AGPAT4: variants seen among roughly 807,000 people sequenced by gnomAD.
AGPAT4 encodes the protein 1-acyl-sn-glycerol-3-phosphate acyltransferase delta.
In AGPAT4, 15 loss-of-function variants were observed where a neutral mutation model predicts 48.0. The ratio of observed to expected loss-of-function variants is 0.31; its 90% confidence interval spans 0.21 to 0.48. The LOEUF is 0.48. Among genes scored for constraint, AGPAT4 ranks in the 20% least tolerant of loss-of-function variants. The pLI, the probability that AGPAT4 is intolerant of heterozygous loss-of-function variation, is 0.99. For synonymous variants in AGPAT4, 178 were observed against 198.7 expected (o/e 0.90, Z 0.88); for missense variants, 314 against 482.5 (o/e 0.65, Z 3.27).
rs989077847 is a variant in AGPAT4 at position 161,132,124 on chromosome 6, T to G, written c.*4416A>C. On this transcript the variant is annotated 3_prime_UTR_variant, in exon 9 of 9. Coordinates refer to ENST00000320285, the MANE Select transcript of AGPAT4 (RefSeq NM_020133.3). ...TTTTGGAGTGCAGAGGGATTGGCAT[T>G]TGTAAAGACTGCTTGCTTACCCTTT... The G allele has an allele frequency of 6.6e-6, 1 of 152,176 alleles. No homozygotes were observed. 9.4% of individuals were successfully genotyped at this position (152,176 alleles called of 1,614,324 possible).
chr6:161,273,785 G>T, intron 1 of AGPAT4, among the ~76,000 whole-genome samples, 153 bp downstream of exon 1: 2 of 72,378 alleles, frequency 2.8e-5, no homozygotes, highest in East Asian at 4.2e-4. Flanking sequence ...TCCCCCGCCC[G>T]CCTTGCACTC....
intron 2 of AGPAT4, among the ~76,000 whole-genome samples, chr6:161,209,395 A>G (rs1242091723): frequency 6.6e-6 from 1 of 152,256 alleles, no homozygotes; most frequent in Non-Finnish European, 1.5e-5. Flanking sequence ...CCAAGCTGCT[A>G]GAAAATTTTT....
chr6:161,165,593 A>C lies in AGPAT4; in HGVS notation c.348+655T>G. ...ACGGAATACCTGAGTACCGCAGATG[A>C]CTCTGATTCAGCTATGTGACACAGG... On this transcript the variant is annotated intron_variant, in intron 3 of 8. Coordinates refer to ENST00000320285, the MANE Select transcript of AGPAT4 (RefSeq NM_020133.3). The surrounding 1 kb of genome is among the most constrained non-coding windows in gnomAD (Gnocchi z 5.5). 1 of 1,299,604 alleles carries C rather than the reference A, an allele frequency of 7.7e-7. No homozygotes were observed. The highest frequency in any genetic ancestry group is 1.0e-6 in the Non-Finnish European group (1 of 987,780). The allele number at this position is 1,299,604 out of a possible 1,614,324, so 80.5% of individuals were successfully genotyped here. A position where few individuals can be genotyped will look rare whatever the true frequency, so the allele number is the denominator to read the frequency against.
At chr6:161,247,977 G>A (rs1163536354) in intron 1 of AGPAT4, among the ~76,000 whole-genome samples, 40 of 85,456 alleles carry the variant, frequency 4.7e-4, no homozygotes, top group Non-Finnish European at 8.1e-4. Context: ...GTAAGACTCT[G>A]TCTCAAAAAA....
chr6:161,248,327 C>A (rs982126924), intron 1 of AGPAT4, among the ~76,000 whole-genome samples: 7 of 152,086 alleles, frequency 4.6e-5, no homozygotes, highest in Non-Finnish European at 7.3e-5. Flanking sequence ...GTAATCCCAG[C>A]ACTTTGGGAG....
chr6:161,244,854 T>C lies in AGPAT4; in HGVS notation c.-89-12552A>G, dbSNP rs1479444557. ...GAGCAAAGCTCCTAATCAGTGAAGG[T>C]CACCAACCACAGACAGATGGGCCAA... On this transcript the variant is annotated intron_variant, in intron 1 of 8. Coordinates refer to ENST00000320285, the MANE Select transcript of AGPAT4 (RefSeq NM_020133.3). This position sits in a 1 kb window ranked among gnomAD's most constrained non-coding sequence, Gnocchi z 4.7. Among the ~76,000 whole-genome samples the C allele has an allele frequency of 6.6e-6, 1 of 152,038 alleles. No individual in the cohort carries two copies. The highest frequency in any genetic ancestry group is 2.4e-5 in the African/African-American group (1 of 41,380).
chr6:161,231,819 T>C lies in AGPAT4; in HGVS notation c.178+217A>G, dbSNP rs1313829664. Among the ~76,000 whole-genome samples the C allele has an allele frequency of 2.0e-5, 3 of 152,222 alleles. No individual in the cohort carries two copies. The highest frequency in any genetic ancestry group is 1.9e-4 in the East Asian group (1 of 5,204). ...GCGTATTTACTTTTCATAGTATACC[T>C]GTCTGTGGCTGTTGAATTTTGAGCT... is the stretch of plus-strand genomic sequence containing the variant. On this transcript the variant is annotated intron_variant, in intron 2 of 8. Coordinates refer to ENST00000320285, the MANE Select transcript of AGPAT4 (RefSeq NM_020133.3). This position sits in a 1 kb window ranked among gnomAD's most constrained non-coding sequence, Gnocchi z 5.3.
In AGPAT4 at chr6:161,198,889, T is replaced by C. The variant is rs1467512403; in HGVS notation, c.179-32472A>G. 6.6e-6 allele frequency among the ~76,000 whole-genome samples: 1 copy of C among 152,190 alleles called. No individual in the cohort carries two copies. ...CTTGTTTATATGATCCACGATTCTA[T>C]ATTTTAAACTCCAGAAACTCCTCAA... On this transcript the variant is annotated intron_variant, in intron 2 of 8. Coordinates refer to ENST00000320285, the MANE Select transcript of AGPAT4 (RefSeq NM_020133.3). The surrounding 1 kb of genome is among the most constrained non-coding windows in gnomAD (Gnocchi z 4.3).
Position 161,236,475 on chromosome 6 carries a change from G to C in AGPAT4, c.-89-4173C>G, listed in dbSNP as rs1782279187. On this transcript the variant is annotated intron_variant, in intron 1 of 8. Coordinates refer to ENST00000320285, the MANE Select transcript of AGPAT4 (RefSeq NM_020133.3). The surrounding 1 kb of genome is among the most constrained non-coding windows in gnomAD (Gnocchi z 5.0). ...ACCCCATGACCTTGAGACACCCTAG[G>C]GATGGGAGTGCAGGAGGCCAAATTC... 6.6e-6 allele frequency among the ~76,000 whole-genome samples: 1 copy of C among 152,088 alleles called. No individual in the cohort carries two copies. The highest frequency in any genetic ancestry group is 2.1e-4 in the South Asian group (1 of 4,812).
chr6:161,143,071 C>T lies in AGPAT4; in HGVS notation c.844-3451G>A, dbSNP rs1252675461. Among the ~76,000 whole-genome samples, 1 of 152,152 alleles carries T rather than the reference C, an allele frequency of 6.6e-6. No homozygotes were observed. The highest frequency in any genetic ancestry group is 1.5e-5 in the Non-Finnish European group (1 of 68,036). Reference sequence around the variant, plus strand: ...ACAGGACGGCTCTGAATGTAGCTGTCCTTCACTTATTTCTCTTTAGAGACA... The same window carrying T: ...ACAGGACGGCTCTGAATGTAGCTGTTCTTCACTTATTTCTCTTTAGAGACA... On this transcript the variant is annotated intron_variant, in intron 7 of 8. Coordinates refer to ENST00000320285, the MANE Select transcript of AGPAT4 (RefSeq NM_020133.3). The surrounding 1 kb of genome is among the most constrained non-coding windows in gnomAD (Gnocchi z 4.7).
chr6:161,218,397 C>G lies in AGPAT4; in HGVS notation c.178+13639G>C, dbSNP rs1232919609. Among the ~76,000 whole-genome samples the G allele has an allele frequency of 6.6e-6, 1 of 152,196 alleles. No homozygotes were observed. Among genetic ancestry groups the G allele is most frequent in the Non-Finnish European group, 1.5e-5 (1 of 68,034 alleles). Reference sequence around the variant, plus strand: ...CCAGAGCTCCCTTTTAAAACATGCACGACTCCCTCTGCTGGCATGATGGTC... The same window carrying G: ...CCAGAGCTCCCTTTTAAAACATGCAGGACTCCCTCTGCTGGCATGATGGTC... On this transcript the variant is annotated intron_variant, in intron 2 of 8. Coordinates refer to ENST00000320285, the MANE Select transcript of AGPAT4 (RefSeq NM_020133.3). This position sits in a 1 kb window ranked among gnomAD's most constrained non-coding sequence, Gnocchi z 4.7.
intron 2 of AGPAT4, among the ~76,000 whole-genome samples, chr6:161,185,169 G>A (rs1300229630): frequency 6.8e-6 from 1 of 148,122 alleles, no homozygotes; most frequent in Non-Finnish European, 1.5e-5. Flanking sequence ...ACAAGAGGGA[G>A]ATAGTTTGGA....
rs75917293 is a variant in AGPAT4, at chr6:161,218,674, C to A, written c.178+13362G>T. Among the ~76,000 whole-genome samples the A allele has an allele frequency of 3.0e-3, 463 of 152,282 alleles. 3 individuals carry two copies. The highest frequency in any genetic ancestry group is 0.011 in the African/African-American group (438 of 41,552). On this transcript the variant is annotated intron_variant, in intron 2 of 8. Coordinates refer to ENST00000320285, the MANE Select transcript of AGPAT4 (RefSeq NM_020133.3). This position sits in a 1 kb window ranked among gnomAD's most constrained non-coding sequence, Gnocchi z 4.7. ...CACATCAAATCTACTCAAAAACAGC[C>A]ACTTGGAAGCTATAAAGGGAGCCAT...
chr6:161,199,678 G>C (rs926839399), intron 2 of AGPAT4, among the ~76,000 whole-genome samples: 3 of 152,108 alleles, frequency 2.0e-5, no homozygotes, highest in Non-Finnish European at 4.4e-5. Context: ...TGCTGTTCTC[G>C]TGACAGCAAG....
chr6:161,207,426 G>A (rs1223490264), intron 2 of AGPAT4, among the ~76,000 whole-genome samples: 1 of 152,194 alleles, frequency 6.6e-6, no homozygotes, highest in African/African-American at 2.4e-5. Context: ...AGCACGCTGG[G>A]CCATGCTGTG....
chr6:161,179,566 T>C (rs1454759572), intron 2 of AGPAT4, among the ~76,000 whole-genome samples: 2 of 152,224 alleles, frequency 1.3e-5, no homozygotes, highest in African/African-American at 4.8e-5. Flanking sequence ...TGATTTCTAC[T>C]ACATTTGACC....
Position 161,132,086 on chromosome 6 carries a change from T to C in AGPAT4, c.*4454A>G, listed in dbSNP as rs974271939. The C allele has an allele frequency of 6.7e-6, 1 of 148,172 alleles. No homozygotes were observed. The highest frequency in any genetic ancestry group is 2.5e-5 in the African/African-American group (1 of 40,158). 9.2% of individuals were successfully genotyped at this position (148,172 alleles called of 1,614,324 possible). A position where few individuals can be genotyped will look rare whatever the true frequency, so the allele number is the denominator to read the frequency against. ...GTGATGACTGGAACCTGGGCCTTCA[T>C]TACGGGCTCCGGTTTTGGAGTGCAG... On this transcript the variant is annotated 3_prime_UTR_variant, in exon 9 of 9. Transcript: ENST00000320285.
In AGPAT4 at chr6:161,134,870, C is replaced by G. The variant is rs1779015151; in HGVS notation, c.*1670G>C. The G allele has an allele frequency of 6.6e-6, 1 of 152,240 alleles. No homozygotes were observed. The highest frequency in any genetic ancestry group is 1.5e-5 in the Non-Finnish European group (1 of 68,074). 9.4% of individuals were successfully genotyped at this position (152,240 alleles called of 1,614,324 possible). A position where few individuals can be genotyped will look rare whatever the true frequency, so the allele number is the denominator to read the frequency against. ...AGGGTGGGCAGATGTGCTGGGCGCTCCCATCAAGCCTGCCTGCAGGGCCGC... is the reference window on the plus strand; with the variant it reads ...AGGGTGGGCAGATGTGCTGGGCGCTGCCATCAAGCCTGCCTGCAGGGCCGC... On this transcript the variant is annotated 3_prime_UTR_variant, in exon 9 of 9. Transcript: ENST00000320285.
chr6:161,183,334 G>C (rs1482226657), intron 2 of AGPAT4, among the ~76,000 whole-genome samples: 1 of 151,980 alleles, frequency 6.6e-6, no homozygotes, highest in Non-Finnish European at 1.5e-5. Context: ...AGTGCTGTGT[G>C]AGAGTCCAGG....
Sources: allele counts gnomAD v4.1 joint callset (sites outside exome capture counted in the v4.1 genomes callset), GRCh38; gene constraint gnomAD v4.1.1; non-coding constraint Gnocchi (gnomAD v3.1); transcripts MANE v1.5; gene names NCBI Gene and HGNC (gene_info 2026-07-23, HGNC 2026-07-21).